HBE1: variants seen among roughly 807,000 people sequenced by gnomAD.
HBE1 encodes hemoglobin subunit epsilon.
A neutral mutation model predicts 12.1 loss-of-function variants in HBE1; 10 were observed. The observed-to-expected ratio is 0.83, with a 90% CI of 0.51 to 1.40. The LOEUF (loss-of-function observed/expected upper bound fraction) is 1.40, where lower values mean the gene tolerates loss of function less well. Ranked by LOEUF, HBE1 falls within the 40% of genes most tolerant of loss-of-function variation. The pLI is 0.00. For synonymous variants in HBE1, 78 were observed against 70.4 expected (o/e 1.11, Z -0.54); for missense variants, 172 against 175.8 (o/e 0.98, Z 0.12).
Position 5,268,570 on chromosome 11 carries a change from G to C in HBE1, c.343C>G (p.Leu115Val), listed in dbSNP as rs1267415450. 1.2e-6 allele frequency: 2 copies of C among 1,611,938 alleles called. No homozygotes were observed. The highest frequency in any genetic ancestry group is 1.7e-6 in the Non-Finnish European group (2 of 1,178,726). Residue 115 changes from leucine to valine, a missense_variant, in exon 3 of 3, where the codon CTG becomes GTG. Leu to Val is a conservative substitution (Grantham distance 32, BLOSUM62 1). Transcript: ENST00000396895. Reference protein sequence around the residue: ...KLLGNVMVIILATHFGKEFTP... With the variant: ...KLLGNVMVIIVATHFGKEFTP... ...AACTCCTTGCCAAAGTGAGTAGCCA[G>C]AATAATCACCATCACGTTACCCAGG...
Position 5,269,864 on chromosome 11 carries a change from C to T in HBE1, c.27G>A (p.Lys9=), listed in dbSNP as rs1017273128. 21 of 1,613,740 alleles carry T rather than the reference C, an allele frequency of 1.3e-5. No homozygotes were observed. Among genetic ancestry groups the T allele is most frequent in the Non-Finnish European group, 1.6e-5 (19 of 1,179,856 alleles). ...TGCTCCACAGGCTAGTGACGGCAGCCTTCTCCTCAGCAGTAAAATGCACCA... is the reference window on the plus strand; with the variant it reads ...TGCTCCACAGGCTAGTGACGGCAGCTTTCTCCTCAGCAGTAAAATGCACCA... MVHFTAEE[K]AAVTSLWSKM... The change falls in exon 1 of 3, where the codon AAG becomes AAA. Residue 9 remains lysine (K), a synonymous_variant. Coordinates refer to ENST00000396895, the MANE Select transcript of HBE1 (RefSeq NM_005330.4).
At chr11:5,268,663 G>GAAAA (rs1848159946) in intron 2 of HBE1, 66 bp from the exon 3 acceptor site, 25 of 1,089,632 alleles carry the variant, frequency 2.3e-5, no homozygotes, top group Non-Finnish European at 2.9e-5. Flanking sequence ...ACAACTTGAT[G>GAAAA]AAAAAACAAA....
intron 2 of HBE1, among the ~76,000 whole-genome samples, chr11:5,269,008 A>T (rs1848163112): frequency 6.6e-6 from 1 of 152,222 alleles, no homozygotes; most frequent in Non-Finnish European, 1.5e-5. Flanking sequence ...GGGAAATTTA[A>T]CATATTTTAG....
chr11:5,268,666 A>AAAACAAACAAAC, intron 2 of HBE1, 69 bp from the exon 3 acceptor site: 3 of 1,075,366 alleles, frequency 2.8e-6, no homozygotes, highest in Non-Finnish European at 4.1e-6. Context: ...ACTTGATGAA[A>AAAACAAACAAAC]AAACAAACAA....
Position 5,269,789 on chromosome 11 carries a change from C to G in HBE1, c.92+10G>C, listed in dbSNP as rs762278411. 3.7e-6 allele frequency: 6 copies of G among 1,606,244 alleles called. No homozygotes were observed. Among genetic ancestry groups the G allele is most frequent in the Middle Eastern group, 1.6e-4 (1 of 6,068 alleles). ...CCCTTCATTCCCATGCATTGAGAAC[C>G]AATGCTTACCTGCCCAAGGCTTCAC... On this transcript the variant is annotated intron_variant, in intron 1 of 2. Transcript: ENST00000396895.
At position 5,268,449 on chromosome 11, in the gene HBE1, C is replaced by T. The variant is rs760644297; in HGVS notation, c.*20G>A. ...GGAGGGTGTCAGGGTCACAGGAACA[C>T]CTGCAAACTGGAAGAGAACTCAGTG... On this transcript the variant is annotated 3_prime_UTR_variant, in exon 3 of 3. Transcript: ENST00000396895. 6.2e-7 allele frequency: 1 copy of T among 1,610,964 alleles called. No individual in the cohort carries two copies. The highest frequency in any genetic ancestry group is 8.5e-7 in the Non-Finnish European group (1 of 1,177,754).
At chr11:5,269,370 G>GT in intron 2 of HBE1, 84 bp downstream of exon 2, 1 of 999,664 alleles carries the variant, frequency 1.0e-6, no homozygotes, top group African/African-American at 1.6e-5. Flanking sequence ...TGAGATCTTT[G>GT]TTGGTCTTTC....
intron 2 of HBE1, among the ~76,000 whole-genome samples, chr11:5,269,232 T>C (rs1269444217): frequency 6.6e-6 from 1 of 152,200 alleles, no homozygotes; most frequent in African/African-American, 2.4e-5. Context: ...TCTGGCAAGA[T>C]TTCCTGAAAA....
chr11:5,269,174 C>A (rs1435362034), intron 2 of HBE1, among the ~76,000 whole-genome samples: 2 of 152,142 alleles, frequency 1.3e-5, no homozygotes, highest in African/African-American at 2.4e-5. Context: ...TCTTCTTTCA[C>A]AAGTCTACAA....
At position 5,269,847 on chromosome 11, in the gene HBE1, A is replaced by G. The variant is rs745779268; in HGVS notation, c.44T>C (p.Leu15Pro). Reference sequence around the variant, plus strand: ...CTCTTCCACATTCATCTTGCTCCACAGGCTAGTGACGGCAGCCTTCTCCTC... The same window carrying G: ...CTCTTCCACATTCATCTTGCTCCACGGGCTAGTGACGGCAGCCTTCTCCTC... The part of the protein sequence containing the change: ...TAEEKAAVTS[L>P]WSKMNVEEAG... The change falls in exon 1 of 3, where the codon CTG (leucine) becomes CCG (proline). Residue 15 changes from leucine to proline, a missense_variant. Coordinates refer to ENST00000396895, the MANE Select transcript of HBE1 (RefSeq NM_005330.4). 25 of 1,613,856 alleles carry G rather than the reference A, an allele frequency of 1.5e-5. No individual in the cohort carries two copies. The highest frequency in any genetic ancestry group is 2.7e-5 in the African/African-American group (2 of 74,924).
At position 5,268,592 on chromosome 11, in the gene HBE1, C is replaced by T; in HGVS notation, c.321G>A (p.Leu107=). ...CCAGAATAATCACCATCACGTTACCCAGGAGCTGTTAGGCAAAAGACAAAA... is the reference window on the plus strand; with the variant it reads ...CCAGAATAATCACCATCACGTTACCTAGGAGCTGTTAGGCAAAAGACAAAA... ...LHVDPENFKL[L]GNVMVIILAT... is the part of the protein sequence containing the mutation. The change falls in exon 3 of 3, where the codon CTG becomes CTA. Residue 107 remains leucine, a synonymous_variant. Transcript: ENST00000396895. 1 of 1,613,258 alleles carries T rather than the reference C, an allele frequency of 6.2e-7. No individual in the cohort carries two copies. The highest frequency in any genetic ancestry group is 8.5e-7 in the Non-Finnish European group (1 of 1,179,504).
chr11:5,269,414 T>C (rs1295578609), intron 2 of HBE1, 40 bp downstream of exon 2: 1 of 1,419,266 alleles, frequency 7.0e-7, no homozygotes, highest in Non-Finnish European at 1.0e-6. Flanking sequence ...AATGTCAAAA[T>C]ATAAAGCCAA....
chr11:5,268,548 T>G lies in HBE1; in HGVS notation c.365A>C (p.Glu122Ala). 6.2e-7 allele frequency: 1 copy of G among 1,613,776 alleles called. No individual in the cohort carries two copies. The highest frequency in any genetic ancestry group is 8.5e-7 in the Non-Finnish European group (1 of 1,179,720). The change falls in exon 3 of 3, where the codon GAG becomes GCG. Residue 122 changes from glutamate (E) to alanine (A), a missense_variant. Glu to Ala is a moderately radical substitution (Grantham distance 107). Transcript: ENST00000396895. The part of the protein sequence containing the change: ...VIILATHFGK[E>A]FTPEVQAAWQ... ...GGCAGCCTGCACTTCAGGGGTGAAC[T>G]CCTTGCCAAAGTGAGTAGCCAGAAT...
Position 5,269,584 on chromosome 11 carries a change from T to G in HBE1, c.185A>C (p.Lys62Thr), listed in dbSNP as rs1848169508. The change falls in exon 2 of 3, where the codon AAG (lysine) becomes ACG (threonine). Residue 62 changes from lysine to threonine, a missense_variant. Transcript: ENST00000396895. ...PSAILGNPKV[K>T]AHGKKVLTSF... ...AGTCAGCACCTTCTTGCCATGGGCC[T>G]TGACCTTGGGGTTGCCCAGGATGGC... 6.2e-7 allele frequency: 1 copy of G among 1,613,720 alleles called. No individual in the cohort carries two copies. Among genetic ancestry groups the G allele is most frequent in the Non-Finnish European group, 8.5e-7 (1 of 1,179,766 alleles).
chr11:5,269,745 C>T, intron 1 of HBE1, 54 bp downstream of exon 1: 1 of 1,561,434 alleles, frequency 6.4e-7, no homozygotes, highest in East Asian at 2.2e-5. Flanking sequence ...TCCCAATCAA[C>T]TTGCTAGGGT....
Position 5,268,526 on chromosome 11 carries a change from A to T in HBE1, c.387T>A (p.Ala129=). ...FGKEFTPEVQ[A]AWQKLVSAVA... The stretch of plus-strand genomic sequence containing the variant: ...CAGCAGACACCAGCTTCTGCCAGGC[A>T]GCCTGCACTTCAGGGGTGAACTCCT... The change falls in exon 3 of 3, where the codon GCT becomes GCA. Residue 129 remains alanine, a synonymous_variant. Coordinates refer to ENST00000396895, the MANE Select transcript of HBE1 (RefSeq NM_005330.4). 1 of 1,613,824 alleles carries T rather than the reference A, an allele frequency of 6.2e-7. No homozygotes were observed. Among genetic ancestry groups the T allele is most frequent in the African/African-American group, 1.3e-5 (1 of 75,050 alleles).
chr11:5,269,422 C>CA (rs750248086), intron 2 of HBE1, 32 bp downstream of exon 2: 2 of 1,489,010 alleles, frequency 1.3e-6, no homozygotes, highest in Non-Finnish European at 1.9e-6. Flanking sequence ...AATATAAAGC[C>CA]AAAAAATCAC....
In HBE1 at chr11:5,269,674, A is replaced by C; in HGVS notation, c.95T>G (p.Leu32Arg). The C allele has an allele frequency of 6.2e-7, 1 of 1,610,096 alleles. No individual in the cohort carries two copies. The highest frequency in any genetic ancestry group is 2.2e-5 in the East Asian group (1 of 44,854). Residue 32 changes from leucine to arginine, a missense_variant and splice_region_variant, in exon 2 of 3, where the codon CTC (leucine) becomes CGC (arginine). By Grantham distance (102) the Leu-to-Arg change is moderately radical. Coordinates refer to ENST00000396895, the MANE Select transcript of HBE1 (RefSeq NM_005330.4). ...CTGGGTCCAGGGGTAAACAACGAGG[A>C]GTCTATGAAATGACACCATATCAGA... ...EEAGGEALGR[L>R]LVVYPWTQRF... is the part of the protein sequence containing the mutation.
At position 5,269,534 on chromosome 11, in the gene HBE1, T is replaced by C. The variant is rs1274895270; in HGVS notation, c.235A>G (p.Met79Val). 2.5e-6 allele frequency: 4 copies of C among 1,614,066 alleles called. No individual in the cohort carries two copies. The highest frequency in any genetic ancestry group is 1.7e-5 in the Admixed American group (1 of 60,012). Residue 79 changes from methionine to valine, a missense_variant, in exon 2 of 3, where the codon ATG (methionine) becomes GTG (valine). Coordinates refer to ENST00000396895, the MANE Select transcript of HBE1 (RefSeq NM_005330.4). ...LTSFGDAIKN[M>V]DNLKPAFAKL... ...GCAAAGGCGGGCTTGAGGTTGTCCA[T>C]GTTTTTAATAGCATCTCCAAAGGAA...
Sources: allele counts gnomAD v4.1 joint callset (sites outside exome capture counted in the v4.1 genomes callset), GRCh38; gene constraint gnomAD v4.1.1; transcripts MANE v1.5; gene names NCBI Gene and HGNC (gene_info 2026-07-23, HGNC 2026-07-21).